Variants in COL5A3 observed in about 807,000 individuals in gnomAD.
COL5A3 encodes the protein collagen alpha-3(V) chain.
In COL5A3, 172 loss-of-function variants were observed where a neutral mutation model predicts 250.0. That is an observed-to-expected ratio of 0.69 (90% CI 0.61 to 0.78). The LOEUF is 0.78. Ranked by LOEUF, COL5A3 falls within the 30% of genes least tolerant of loss-of-function variation. The pLI, the probability that COL5A3 is intolerant of heterozygous loss-of-function variation, is 0.00. For missense variants in COL5A3, 2,340 were observed against 2,334.4 expected, an observed-to-expected ratio of 1.00 and a Z score of -0.05; for synonymous variants, 937 against 900.4, an observed-to-expected ratio of 1.04 and a Z score of -0.73.
Position 10,009,309 on chromosome 19 carries a change from C to A in COL5A3, c.88+989G>T, listed in dbSNP as rs1047814599. 7.2e-5 allele frequency among the ~76,000 whole-genome samples: 11 copies of A among 151,986 alleles called. No homozygotes were observed. Among genetic ancestry groups the A allele is most frequent in the African/African-American group, 2.7e-4 (11 of 41,350 alleles). The stretch of plus-strand genomic sequence containing the variant: ...TCCAACACTTGAGAAGCTACGCCAT[C>A]CCCTGACTCCCGAAGCGCCCCCCAC... On this transcript the variant is annotated intron_variant, in intron 1 of 66. Coordinates refer to ENST00000264828, the MANE Select transcript of COL5A3 (RefSeq NM_015719.4). The surrounding 1 kb of genome is among the most constrained non-coding windows in gnomAD (Gnocchi z 4.4).
chr19:9,991,587 C>A (rs545166851), intron 24 of COL5A3, 23 bp downstream of exon 24: 7 of 1,567,872 alleles, frequency 4.5e-6, no homozygotes, highest in South Asian at 2.3e-5. Flanking sequence ...GAGGAGGTCG[C>A]GGTAGGTGGA....
chr19:10,007,985 C>A (rs1354921853), intron 1 of COL5A3, among the ~76,000 whole-genome samples: 1 of 152,008 alleles, frequency 6.6e-6, no homozygotes. Flanking sequence ...TCTCCACCCG[C>A]CTTCCCCAAC....
Position 9,998,175 on chromosome 19 carries a change from G to A in COL5A3, c.1111-26C>T, listed in dbSNP as rs372516269. The A allele has an allele frequency of 3.8e-6, 6 of 1,597,196 alleles. No homozygotes were observed. The African/African-American group carries it at 6.7e-5, about 18-fold the overall frequency. ...CTGGGGTGGGGTCAGGGGAGATGGA[G>A]AGAAAAGAGATGTGAACTTGGACAT... is the stretch of plus-strand genomic sequence containing the variant. On this transcript the variant is annotated intron_variant, in intron 8 of 66. Coordinates refer to ENST00000264828, the MANE Select transcript of COL5A3 (RefSeq NM_015719.4).
intron 16 of COL5A3, 70 bp downstream of exon 16, chr19:9,995,494 C>A: frequency 7.0e-7 from 1 of 1,427,550 alleles, no homozygotes; most frequent in Non-Finnish European, 9.5e-7. Context: ...CCCAAGGTCA[C>A]AAAGCCAAGG....
chr19:9,996,101 C>A lies in COL5A3; in HGVS notation c.1498G>T (p.Gly500Cys). ...PGPVGLPGHP[G>C]LKGEEGAEGP... ...TCTGCTCCCTCCTCTCCTTTCAGAC[C>A]TGGATGCCCGGGGAGACCCTTGGGG... The change falls in exon 15 of 67, where the codon GGT becomes TGT. Residue 500 changes from glycine (G) to cysteine (C), a missense_variant. This residue lies in a region of COL5A3 where 1,152 missense variants were observed against 1,146.3 expected (regional missense o/e 1.00). Coordinates refer to ENST00000264828, the MANE Select transcript of COL5A3 (RefSeq NM_015719.4). 6.3e-7 allele frequency: 1 copy of A among 1,584,370 alleles called. No individual in the cohort carries two copies. Among genetic ancestry groups the A allele is most frequent in the Non-Finnish European group, 8.6e-7 (1 of 1,166,412 alleles).
Position 9,971,006 on chromosome 19 carries a change from T to C in COL5A3, c.3851A>G (p.Glu1284Gly), listed in dbSNP as rs1465640768. ...GVSGIDGSPG[E>G]KGDPGDVGGP... is the part of the protein sequence containing the mutation. ...CCCAACATCACCAGGGTCTCCCTTC[T>C]CCCCTGGGGAACCATCTATGCCCTG... Residue 1284 changes from glutamate to glycine, a missense_variant, in exon 53 of 67, where the codon GAG (glutamate) becomes GGG (glycine). Around this residue, in one of 3 missense-constraint regions of COL5A3, gnomAD observed 1,179 missense variants for 1,162.6 expected, o/e 1.01. Coordinates refer to ENST00000264828, the MANE Select transcript of COL5A3 (RefSeq NM_015719.4). 1.3e-6 allele frequency: 2 copies of C among 1,557,156 alleles called. No individual in the cohort carries two copies. Among genetic ancestry groups the C allele is most frequent in the Non-Finnish European group, 1.7e-6 (2 of 1,156,146 alleles).
intron 41 of COL5A3, among the ~76,000 whole-genome samples, chr19:9,977,947 C>CATATATATATATATATAT (rs372091609): frequency 1.0e-3 from 109 of 106,096 alleles, no homozygotes; most frequent in Non-Finnish European, 1.2e-3. Context: ...GCAGCCTATA[C>CATATATATATATATATAT]ATATATATAT....
Position 9,968,404 on chromosome 19 carries a change from G to C in COL5A3, c.4295C>G (p.Pro1432Arg). The change falls in exon 59 of 67, where the codon CCT (proline) becomes CGT (arginine). Residue 1432 changes from proline to arginine, a missense_variant. By Grantham distance (103) the Pro-to-Arg change is moderately radical. Coordinates refer to ENST00000264828, the MANE Select transcript of COL5A3 (RefSeq NM_015719.4). The surrounding 1 kb of genome is among the most constrained non-coding windows in gnomAD (Gnocchi z 4.1). ...DQGLPGVQGP[P>R]GPKGDPGPPG... ...ACTCACAGGGTCTCCCTTGGGACCA[G>C]GGGGTCCCTGCACGCCTGGCAACCC... is the stretch of plus-strand genomic sequence containing the variant. 1 of 1,591,558 alleles carries C rather than the reference G, an allele frequency of 6.3e-7. No individual in the cohort carries two copies. The highest frequency in any genetic ancestry group is 8.5e-7 in the Non-Finnish European group (1 of 1,174,054).
Position 9,995,426 on chromosome 19 carries a change from A to C in COL5A3, c.1587+138T>G, listed in dbSNP as rs140150161. ...GGCCGGATTCCTTTGACACACACTC[A>C]GTGGAGCTGCCATTCCCTGCCTTCA... On this transcript the variant is annotated intron_variant, in intron 16 of 66. Transcript: ENST00000264828. 239 of 629,020 alleles carry C rather than the reference A, an allele frequency of 3.8e-4. 1 individual carries two copies. The African/African-American group carries it at 4.0e-3, about 11-fold the overall frequency. The allele number at this position is 629,020 out of a possible 1,614,324, so 39.0% of individuals were successfully genotyped here.
Position 9,991,782 on chromosome 19 carries a change from T to A in COL5A3, c.1947+6A>T. Reference sequence around the variant, plus strand: ...ATGCCCCATTATTGGGAAAGACAGTTCAAACCTGGGACCCATGGTTTCCCT... The same window carrying A: ...ATGCCCCATTATTGGGAAAGACAGTACAAACCTGGGACCCATGGTTTCCCT... On this transcript the variant is annotated splice_donor_region_variant and intron_variant, in intron 23 of 66. Coordinates refer to ENST00000264828, the MANE Select transcript of COL5A3 (RefSeq NM_015719.4). The A allele has an allele frequency of 6.2e-7, 1 of 1,604,072 alleles. No homozygotes were observed. The highest frequency in any genetic ancestry group is 1.3e-5 in the African/African-American group (1 of 74,604).
At position 9,969,604 on chromosome 19, in the gene COL5A3, C is replaced by G. The variant is rs1004174705; in HGVS notation, c.4069G>C (p.Glu1357Gln). ...ARGPPGRVGP[E>Q]GLRGIPGPVG... ...GGGCCAGGGATCCCTCGAAGACCCT[C>G]AGGCCCCACACGTCCAGGGGGCCCT... Residue 1357 changes from glutamate (E) to glutamine (Q), a missense_variant, in exon 56 of 67, where the codon GAG becomes CAG. Coordinates refer to ENST00000264828, the MANE Select transcript of COL5A3 (RefSeq NM_015719.4). 6 of 1,607,196 alleles carry G rather than the reference C, an allele frequency of 3.7e-6. No homozygotes were observed. In the African/African-American group the frequency reaches 8.1e-5, roughly 22 times the overall value.
chr19:9,969,900 C>G lies in COL5A3; in HGVS notation c.3959G>C (p.Arg1320Pro). The G allele has an allele frequency of 1.9e-6, 3 of 1,612,508 alleles. No homozygotes were observed. The highest frequency in any genetic ancestry group is 2.5e-6 in the Non-Finnish European group (3 of 1,179,758). ...GKRGPSGHMGREGREGEKGAK... is the reference protein window; with the variant it reads ...GKRGPSGHMGPEGREGEKGAK... The stretch of plus-strand genomic sequence containing the variant: ...ACCTTTCTCCCCTTCTCTGCCTTCT[C>G]GACCCATGTGGCCTGAAGGACCCTT... The change falls in exon 55 of 67, where the codon CGA (arginine) becomes CCA (proline). Residue 1320 changes from arginine to proline, a missense_variant. Arg to Pro is a moderately radical substitution (Grantham distance 103). Transcript: ENST00000264828.
chr19:9,969,290 C>A (rs1599531062), intron 57 of COL5A3, 59 bp downstream of exon 57: 1 of 1,453,006 alleles, frequency 6.9e-7, no homozygotes, highest in East Asian at 2.3e-5. Context: ...ACTAGGTGGT[C>A]ACTAGGTGCC....
rs2287813 is a variant in COL5A3, at chr19:9,973,616, C to T, written c.3620G>A (p.Arg1207Gln). 188 of 1,612,254 alleles carry T rather than the reference C, an allele frequency of 1.2e-4. No homozygotes were observed. The highest frequency in any genetic ancestry group is 5.7e-4 in the South Asian group (52 of 90,836). Residue 1207 changes from arginine (R) to glutamine (Q), a missense_variant, in exon 50 of 67, where the codon CGA becomes CAA. This residue lies in a region of COL5A3 where 1,179 missense variants were observed against 1,162.6 expected (regional missense o/e 1.01). Coordinates refer to ENST00000264828, the MANE Select transcript of COL5A3 (RefSeq NM_015719.4). ...AGGCCCTGGGTCTCCAGCGTCCCCT[C>T]GCTCACCCTGCAGGAGGCAAAGTGA... ...QPGAVGEKGE[R>Q]GDAGDPGPPG... is the part of the protein sequence containing the mutation.
In COL5A3 at chr19:10,010,285, C is replaced by T; in HGVS notation, c.88+13G>A. ...CGTGGACCCTGGGTCCCATCTCTTC[C>T]CTCCCGGCTCACCGGCCTGCGTCCC... On this transcript the variant is annotated intron_variant, in intron 1 of 66. Transcript: ENST00000264828. The T allele has an allele frequency of 7.0e-7, 1 of 1,431,526 alleles. No homozygotes were observed. Among genetic ancestry groups the T allele is most frequent in the Non-Finnish European group, 9.2e-7 (1 of 1,087,546 alleles). The allele number at this position is 1,431,526 out of a possible 1,614,324, so 88.7% of individuals were successfully genotyped here.
Position 9,979,774 on chromosome 19 carries a change from A to T in COL5A3, c.2712+65T>A, listed in dbSNP as rs570950323. On this transcript the variant is annotated intron_variant, in intron 37 of 66. Transcript: ENST00000264828. ...GCACTCTAGCCCAGGTGACAGAGTGAGACTCTGTCTCAAAAAGAAAAAAAA... is the reference window on the plus strand; with the variant it reads ...GCACTCTAGCCCAGGTGACAGAGTGTGACTCTGTCTCAAAAAGAAAAAAAA... 4.2e-6 allele frequency: 6 copies of T among 1,419,742 alleles called. No homozygotes were observed. The African/African-American group carries it at 4.4e-5, about 11-fold the overall frequency. The allele number at this position is 1,419,742 out of a possible 1,614,324, so 87.9% of individuals were successfully genotyped here. A position where few individuals can be genotyped will look rare whatever the true frequency, so the allele number is the denominator to read the frequency against.
At chr19:9,971,951 G>A (rs2086854101) in intron 51 of COL5A3, among the ~76,000 whole-genome samples, 1 of 151,520 alleles carries the variant, frequency 6.6e-6, no homozygotes, top group Admixed American at 6.6e-5. Context: ...ACCACTGCAC[G>A]TTTATGTTTC....
At position 10,006,067 on chromosome 19, in the gene COL5A3, A is replaced by G; in HGVS notation, c.247+6T>C. The G allele has an allele frequency of 1.2e-6, 2 of 1,613,562 alleles. No homozygotes were observed. Among genetic ancestry groups the G allele is most frequent in the East Asian group, 2.2e-5 (1 of 44,848 alleles). ...GGAGGTACCCAGGCCTCCTACTCCA[A>G]CTCACCTGGAAAGAGTTCCCACGTG... On this transcript the variant is annotated splice_donor_region_variant and intron_variant, in intron 2 of 66. Coordinates refer to ENST00000264828, the MANE Select transcript of COL5A3 (RefSeq NM_015719.4).
At chr19:9,993,558 T>TG (rs1019282220) in intron 18 of COL5A3, 61 bp downstream of exon 18, 12 of 1,591,964 alleles carry the variant, frequency 7.5e-6, no homozygotes, top group East Asian at 6.7e-5. Flanking sequence ...AGGGAGAAGT[T>TG]GGGGGGGCTT....
Sources: allele counts gnomAD v4.1 joint callset (sites outside exome capture counted in the v4.1 genomes callset), GRCh38; gene constraint gnomAD v4.1.1; regional missense constraint gnomAD v4.1.1; non-coding constraint Gnocchi (gnomAD v3.1); transcripts MANE v1.5; gene names NCBI Gene and HGNC (gene_info 2026-07-23, HGNC 2026-07-21).